The following PLEKHA5 variants were observed in gnomAD, a reference collection of about 807,000 sequenced individuals.
PLEKHA5 encodes the protein pleckstrin homology domain-containing family A member 5.
In PLEKHA5, 55 loss-of-function variants were observed where a neutral mutation model predicts 181.9. The observed-to-expected ratio is 0.30, with a 90% CI of 0.24 to 0.38. The LOEUF (loss-of-function observed/expected upper bound fraction) is 0.38. Ranked by LOEUF, PLEKHA5 falls within the 10% of genes least tolerant of loss-of-function variation. The pLI is 1.00. For missense variants in PLEKHA5, 1,432 were observed against 1,549.5 expected (o/e 0.92, Z 1.27); for synonymous variants, 535 against 529.4 (o/e 1.01, Z -0.15).
intron 20 of PLEKHA5, among the ~76,000 whole-genome samples, chr12:19,333,380 C>A (rs1481881735): frequency 1.3e-5 from 2 of 151,802 alleles, no homozygotes; most frequent in Non-Finnish European, 2.9e-5. Context: ...GAGATTAAGA[C>A]CATCCTGGCT....
At chr12:19,200,145 C>T (rs2053852934) in intron 3 of PLEKHA5, among the ~76,000 whole-genome samples, 1 of 151,988 alleles carries the variant, frequency 6.6e-6, no homozygotes, top group Non-Finnish European at 1.5e-5. Context: ...ATGTTCCCAA[C>T]ACAGAAAAAT....
intron 2 of PLEKHA5, among the ~76,000 whole-genome samples, chr12:19,132,050 A>G (rs533157631): frequency 2.6e-5 from 4 of 151,396 alleles, no homozygotes; most frequent in Admixed American, 2.6e-4. Flanking sequence ...TGTTATACCC[A>G]GCTTTTTTTT....
At chr12:19,163,692 ATCTC>A (rs981906829) in intron 3 of PLEKHA5, among the ~76,000 whole-genome samples, 1 of 151,568 alleles carries the variant, frequency 6.6e-6, no homozygotes, top group African/African-American at 2.4e-5. Flanking sequence ...CTATCTATCT[ATCTC>A]TTTCCTGTTC....
chr12:19,375,846 T>C lies in PLEKHA5; in HGVS notation c.*327T>C, dbSNP rs1160715411. 2 of 152,586 alleles carry C rather than the reference T, an allele frequency of 1.3e-5. No homozygotes were observed. The highest frequency in any genetic ancestry group is 2.9e-5 in the Non-Finnish European group (2 of 68,036). The allele number at this position is 152,586 out of a possible 1,614,324, so 9.5% of individuals were successfully genotyped here. ...TTAGTTGCTGATTTCCAGATTTCGATGTTTCTTAAGTCTAGGTGAATTTAT... is the reference window on the plus strand; with the variant it reads ...TTAGTTGCTGATTTCCAGATTTCGACGTTTCTTAAGTCTAGGTGAATTTAT... On this transcript the variant is annotated 3_prime_UTR_variant, in exon 32 of 32. Coordinates refer to ENST00000429027, the MANE Select transcript of PLEKHA5 (RefSeq NM_001256470.2).
chr12:19,176,604 A>G (rs1171682191), intron 3 of PLEKHA5: 1 of 152,156 alleles, frequency 6.6e-6, no homozygotes, highest in Non-Finnish European at 1.5e-5. Flanking sequence ...CTCTTCATTA[A>G]CAGAGATTAG....
chr12:19,225,996 C>A (rs537712097), intron 3 of PLEKHA5, among the ~76,000 whole-genome samples: 15 of 152,100 alleles, frequency 9.9e-5, no homozygotes, highest in African/African-American at 3.6e-4. Flanking sequence ...ATTAATGCTA[C>A]GTTAGTTATT....
chr12:19,238,954 C>T (rs1263372231), intron 3 of PLEKHA5, among the ~76,000 whole-genome samples: 1 of 152,108 alleles, frequency 6.6e-6, no homozygotes, highest in African/African-American at 2.4e-5. Flanking sequence ...ACGCTTTCCA[C>T]CAATACTATA....
chr12:19,252,066 G>A (rs1298372682), intron 3 of PLEKHA5, among the ~76,000 whole-genome samples: 1 of 151,940 alleles, frequency 6.6e-6, no homozygotes, highest in Non-Finnish European at 1.5e-5. Context: ...GAAACACTAT[G>A]TTTCATTAAT....
intron 1 of PLEKHA5, 81 bp from the exon 2 acceptor site, chr12:19,129,970 G>C (rs988038002): frequency 1.2e-5 from 18 of 1,462,752 alleles, no homozygotes; most frequent in African/African-American, 2.8e-5. Context: ...GGAGAGCCCG[G>C]GTCTGTGCTC....
At chr12:19,145,152 A>G (rs747981280) in intron 3 of PLEKHA5, among the ~76,000 whole-genome samples, 44 of 152,206 alleles carry the variant, frequency 2.9e-4, no homozygotes, top group Non-Finnish European at 5.0e-4. Flanking sequence ...GTAGACAGAT[A>G]TCTCACATAT....
chr12:19,249,984 A>G (rs2064825259), intron 3 of PLEKHA5, among the ~76,000 whole-genome samples: 1 of 152,164 alleles, frequency 6.6e-6, no homozygotes, highest in Non-Finnish European at 1.5e-5. Flanking sequence ...TTATTTGGAC[A>G]TGGAGGGCTC....
intron 3 of PLEKHA5, among the ~76,000 whole-genome samples, chr12:19,221,620 C>CA (rs2058943212): frequency 6.6e-6 from 1 of 151,994 alleles, no homozygotes; most frequent in African/African-American, 2.4e-5. Context: ...CGACCGTATG[C>CA]AAAAAATCCT....
intron 26 of PLEKHA5, among the ~76,000 whole-genome samples, chr12:19,356,973 T>C (rs2094969033): frequency 6.6e-6 from 1 of 151,922 alleles, no homozygotes; most frequent in South Asian, 2.1e-4. Context: ...CATTTTCAAA[T>C]ATGACTGATT....
chr12:19,297,013 A>G (rs940390368), intron 15 of PLEKHA5, among the ~76,000 whole-genome samples: 57 of 152,232 alleles, frequency 3.7e-4, no homozygotes, highest in Non-Finnish European at 2.9e-5. Flanking sequence ...CTTTTCCCTA[A>G]TAACCTTCCT....
chr12:19,334,829 A>AAAAAAAAATATATATATATATAT, intron 20 of PLEKHA5, among the ~76,000 whole-genome samples: 3 of 18,594 alleles, frequency 1.6e-4, no homozygotes, highest in Non-Finnish European at 4.3e-4. Flanking sequence ...AAAAAAAAAA[A>AAAAAAAAATATATATATATATAT]ATATATATAT....
In PLEKHA5 at chr12:19,290,719, C is replaced by T; in HGVS notation, c.1906C>T (p.Gln636Ter). 1 of 1,535,092 alleles carries T rather than the reference C, an allele frequency of 6.5e-7. No homozygotes were observed. The highest frequency in any genetic ancestry group is 8.7e-7 in the Non-Finnish European group (1 of 1,145,990). The change falls in exon 14 of 32, where the codon CAA becomes TAA. Residue 636 changes from glutamine to a stop codon, truncating the protein, a stop_gained. Transcript: ENST00000429027. LOFTEE classifies it high-confidence loss of function. ...TLLLIKLRRQ[Q>*]AELSSIREHT... Reference sequence around the variant, plus strand: ...GCTGCTAATAAAGCTGAGACGGCAGCAAGCCGAACTGAGTAGTATCCGGGA... The same window carrying T: ...GCTGCTAATAAAGCTGAGACGGCAGTAAGCCGAACTGAGTAGTATCCGGGA...
intron 3 of PLEKHA5, among the ~76,000 whole-genome samples, chr12:19,143,394 A>G (rs12823891): frequency 0.092 from 13,991 of 152,244 alleles, 796 homozygotes; most frequent in Admixed American, 0.19. Flanking sequence ...AACCTGTTTT[A>G]TAATGTTAAG....
intron 3 of PLEKHA5, among the ~76,000 whole-genome samples, chr12:19,218,379 C>G (rs2058359391): frequency 6.6e-6 from 1 of 152,000 alleles, no homozygotes; most frequent in Non-Finnish European, 1.5e-5. Context: ...TTAAAAAAGT[C>G]AAAGATGCCA....
intron 13 of PLEKHA5, among the ~76,000 whole-genome samples, chr12:19,289,894 A>G (rs2078025346): frequency 6.6e-6 from 1 of 151,924 alleles, no homozygotes; most frequent in Non-Finnish European, 1.5e-5. Context: ...AAATTTAATA[A>G]TGTGAAGATA....
Sources: allele counts gnomAD v4.1 joint callset (sites outside exome capture counted in the v4.1 genomes callset), GRCh38; gene constraint gnomAD v4.1.1; transcripts MANE v1.5; gene names NCBI Gene and HGNC (gene_info 2026-07-23, HGNC 2026-07-21).